The following GPD2 variants were observed in gnomAD, a reference collection of about 807,000 sequenced individuals.
The protein encoded by GPD2 is glycerol-3-phosphate dehydrogenase, mitochondrial.
A neutral mutation model predicts 82.4 loss-of-function variants in GPD2; 54 were observed. That is an observed-to-expected ratio of 0.66 (90% CI 0.53 to 0.82). The LOEUF (loss-of-function observed/expected upper bound fraction) is 0.82. Ranked by LOEUF, GPD2 falls within the 40% of genes least tolerant of loss-of-function variation. The pLI, the probability that GPD2 is intolerant of heterozygous loss-of-function variation, is 0.00. For missense variants in GPD2, 748 were observed against 896.2 expected, an observed-to-expected ratio of 0.83 and a Z score of 2.11; for synonymous variants, 288 against 306.1, an observed-to-expected ratio of 0.94 and a Z score of 0.62.
intron 9 of GPD2, among the ~76,000 whole-genome samples, chr2:156,558,374 G>T (rs1687040646): frequency 6.6e-6 from 1 of 152,044 alleles, no homozygotes; most frequent in African/African-American, 2.4e-5. Flanking sequence ...TCATTGCCCT[G>T]GTTCACATCT....
At chr2:156,556,049 A>G (rs933403772) in intron 8 of GPD2, among the ~76,000 whole-genome samples, 2 of 152,190 alleles carry the variant, frequency 1.3e-5, no homozygotes, top group Non-Finnish European at 2.9e-5. Flanking sequence ...TAAGCTGCCT[A>G]TATGTTTCTT....
chr2:156,456,613 GTCT>G (rs1179357284), intron 1 of GPD2, among the ~76,000 whole-genome samples: 1 of 151,986 alleles, frequency 6.6e-6, no homozygotes, highest in Non-Finnish European at 1.5e-5. Context: ...AAAAAAGTTG[GTCT>G]TCTTGATCCT....
chr2:156,491,592 T>TC (rs1371855652), intron 2 of GPD2, among the ~76,000 whole-genome samples: 1 of 152,208 alleles, frequency 6.6e-6, no homozygotes, highest in East Asian at 1.9e-4. Context: ...AGTTTTTTTT[T>TC]CCAGTTGAGG....
intron 8 of GPD2, among the ~76,000 whole-genome samples, chr2:156,556,614 A>G (rs1274937214): frequency 6.6e-6 from 1 of 152,208 alleles, no homozygotes; most frequent in Non-Finnish European, 1.5e-5. Flanking sequence ...GTAGTCTTTC[A>G]GTAGAGGCAG....
At chr2:156,409,747 A>G in the GPD2 span, among the ~76,000 whole-genome samples, 1 of 152,206 alleles carries the variant, frequency 6.6e-6, no homozygotes, top group East Asian at 1.9e-4. Flanking sequence ...ACAATTCAGC[A>G]TAGTTAGGAG....
At chr2:156,451,933 A>G (rs568033954) in intron 1 of GPD2, among the ~76,000 whole-genome samples, 2 of 149,770 alleles carry the variant, frequency 1.3e-5, no homozygotes, top group East Asian at 2.0e-4. Flanking sequence ...GGCCGGGCAG[A>G]GGCGCTCCTC....
At chr2:156,515,541 C>G (rs1170423000) in intron 6 of GPD2, among the ~76,000 whole-genome samples, 1 of 152,114 alleles carries the variant, frequency 6.6e-6, no homozygotes, top group Non-Finnish European at 1.5e-5. Context: ...CCAAGGGAAA[C>G]CTTTGTTACA....
chr2:156,401,385 T>TAATA, the GPD2 span, among the ~76,000 whole-genome samples: 1 of 142,510 alleles, frequency 7.0e-6, no homozygotes, highest in East Asian at 2.1e-4. Flanking sequence ...ATTTTCATTA[T>TAATA]ACTACTTTAG....
intron 2 of GPD2, among the ~76,000 whole-genome samples, chr2:156,489,114 CAT>C (rs1240731094): frequency 1.3e-5 from 2 of 152,066 alleles, no homozygotes; most frequent in African/African-American, 4.8e-5. Flanking sequence ...TTGGTGAACT[CAT>C]GTGTCTACAG....
chr2:156,424,801 C>T, the GPD2 span, among the ~76,000 whole-genome samples: 4 of 152,078 alleles, frequency 2.6e-5, no homozygotes, highest in Admixed American at 2.0e-4. Flanking sequence ...GGCTTAATTC[C>T]CCCATGACAA....
intron 9 of GPD2, among the ~76,000 whole-genome samples, chr2:156,558,765 C>CTTTTT (rs34524248): frequency 0.066 from 2,708 of 40,894 alleles, 475 homozygotes; most frequent in East Asian, 0.1. Context: ...GCCCAGCTAA[C>CTTTTT]TTTTTTTTTT....
intron 6 of GPD2, among the ~76,000 whole-genome samples, chr2:156,525,174 A>G (rs1384153756): frequency 1.6e-4 from 25 of 152,204 alleles, no homozygotes; most frequent in Non-Finnish European, 1.5e-5. Flanking sequence ...GAAGCTTGTC[A>G]ACATAAACTC....
At chr2:156,465,102 C>T (rs1401075273) in intron 1 of GPD2, among the ~76,000 whole-genome samples, 10 of 152,172 alleles carry the variant, frequency 6.6e-5, no homozygotes, top group Non-Finnish European at 1.5e-4. Context: ...CCACCCGCCA[C>T]GGCCTCCCAG....
intron 1 of GPD2, among the ~76,000 whole-genome samples, chr2:156,464,670 A>G (rs1238871017): frequency 1.3e-5 from 2 of 152,148 alleles, no homozygotes; most frequent in Non-Finnish European, 2.9e-5. Flanking sequence ...TTCTTTTACA[A>G]TGAACTGAAC....
At chr2:156,490,576 T>C (rs1311955726) in intron 2 of GPD2, among the ~76,000 whole-genome samples, 1 of 152,178 alleles carries the variant, frequency 6.6e-6, no homozygotes, top group East Asian at 1.9e-4. Context: ...CTCACTCTAT[T>C]ATAACTAGTC....
At chr2:156,477,774 T>A (rs1683565315) in intron 2 of GPD2, among the ~76,000 whole-genome samples, 1 of 152,244 alleles carries the variant, frequency 6.6e-6, no homozygotes, top group African/African-American at 2.4e-5. Context: ...CATCCATTGA[T>A]CATGCTTGAT....
chr2:156,582,776 C>G lies in GPD2; in HGVS notation c.2059-17C>G, dbSNP rs776217746. Reference sequence around the variant, plus strand: ...GTTGGCCTGCGTTCTGAATCTGTTGCATATTTTCTCTTTAAGCTGATGAGT... The same window carrying G: ...GTTGGCCTGCGTTCTGAATCTGTTGGATATTTTCTCTTTAAGCTGATGAGT... On this transcript the variant is annotated splice_polypyrimidine_tract_variant and intron_variant, in intron 16 of 16. Coordinates refer to ENST00000438166, the MANE Select transcript of GPD2 (RefSeq NM_000408.5). 1.2e-6 allele frequency: 2 copies of G among 1,612,234 alleles called. No individual in the cohort carries two copies. The highest frequency in any genetic ancestry group is 1.7e-6 in the Non-Finnish European group (2 of 1,178,568).
intron 11 of GPD2, among the ~76,000 whole-genome samples, chr2:156,569,799 G>A (rs1687544509): frequency 6.6e-6 from 1 of 152,094 alleles, no homozygotes; most frequent in Non-Finnish European, 1.5e-5. Flanking sequence ...CCCAAATTCT[G>A]TCTCAGGCAT....
intron 2 of GPD2, among the ~76,000 whole-genome samples, chr2:156,486,730 T>A (rs1683956491): frequency 6.6e-6 from 1 of 152,250 alleles, no homozygotes; most frequent in African/African-American, 2.4e-5. Context: ...CAACAAAGAA[T>A]TTCTGTAAAC....
Sources: gnomAD v4.1 joint callset for allele counts (sites outside exome capture counted in the v4.1 genomes callset) on GRCh38, gnomAD v4.1.1 for gene constraint, MANE v1.5 for transcripts, NCBI Gene and HGNC (gene_info 2026-07-23, HGNC 2026-07-21) for gene names.